The following ZNF286A variants were observed in gnomAD, a reference collection of about 807,000 sequenced individuals.
ZNF286A encodes zinc finger protein 286A, also known as zinc finger protein ZNF286.
A neutral mutation model predicts 49.3 loss-of-function variants in ZNF286A; 34 were observed. The observed-to-expected ratio is 0.69, with a 90% CI of 0.52 to 0.92. The LOEUF (loss-of-function observed/expected upper bound fraction) is 0.92. Ranked by LOEUF, ZNF286A falls within the 40% of genes least tolerant of loss-of-function variation. The pLI is 0.00. For missense variants in ZNF286A, 462 were observed against 600.2 expected (o/e 0.77, Z 2.41); for synonymous variants, 155 against 200.4 (o/e 0.77, Z 1.91).
rs1439180626 is a variant in ZNF286A at position 15,716,526 on chromosome 17, G to T, written c.802G>T (p.Glu268Ter). Residue 268 changes from glutamate to a stop codon, truncating the protein, a stop_gained, in exon 6 of 6, where the codon GAG becomes TAG. Coordinates refer to ENST00000583566, the MANE Select transcript of ZNF286A (RefSeq NM_001130842.2). LOFTEE classifies it high-confidence loss of function. The stretch of plus-strand genomic sequence containing the variant: ...TCGACACCAGAGAGTCCATACTGGA[G>T]AGAAACCCTATACCTGCAATGAATG... ...LIRHQRVHTGEKPYTCNECGK... is the reference protein window; with the variant it reads ...LIRHQRVHTG 1.9e-6 allele frequency: 3 copies of T among 1,613,974 alleles called. No homozygotes were observed. The highest frequency in any genetic ancestry group is 1.7e-5 in the Admixed American group (1 of 60,012).
At position 15,717,139 on chromosome 17, in the gene ZNF286A, G is replaced by C; in HGVS notation, c.1415G>C (p.Gly472Ala). ...GKKPYKCSEC[G>A]KAFIHSSALI... ...AAACCGTACAAATGTAGCGAGTGTG[G>C]AAAAGCCTTCATTCATTCATCAGCT... The change falls in exon 6 of 6, where the codon GGA becomes GCA. Residue 472 changes from glycine (G) to alanine (A), a missense_variant. Gly to Ala is a moderately conservative substitution (Grantham distance 60, BLOSUM62 0). Coordinates refer to ENST00000583566, the MANE Select transcript of ZNF286A (RefSeq NM_001130842.2). 6.2e-7 allele frequency: 1 copy of C among 1,613,440 alleles called. No individual in the cohort carries two copies. The highest frequency in any genetic ancestry group is 8.5e-7 in the Non-Finnish European group (1 of 1,179,830).
chr17:15,705,146 T>G (rs1192195922), intron 3 of ZNF286A, among the ~76,000 whole-genome samples: 1 of 152,190 alleles, frequency 6.6e-6, no homozygotes, highest in East Asian at 1.9e-4. Context: ...TAGCTTTACT[T>G]TGAGATAATT....
chr17:15,702,921 A>G (rs1306315133), intron 3 of ZNF286A, among the ~76,000 whole-genome samples: 3 of 152,220 alleles, frequency 2.0e-5, no homozygotes, highest in Non-Finnish European at 4.4e-5. Context: ...TTTATGGCCA[A>G]ACAAGTTTTT....
Position 15,716,854 on chromosome 17 carries a change from C to T in ZNF286A, c.1130C>T (p.Thr377Ile). Residue 377 changes from threonine to isoleucine, a missense_variant, in exon 6 of 6, where the codon ACT (threonine) becomes ATT (isoleucine). By Grantham distance (89) the Thr-to-Ile change is moderately conservative. Coordinates refer to ENST00000583566, the MANE Select transcript of ZNF286A (RefSeq NM_001130842.2). ...CTCATTAAACATCAAAGAACTCATACTGGAGAGAAACCTTATAAATGTCAA... is the reference window on the plus strand; with the variant it reads ...CTCATTAAACATCAAAGAACTCATATTGGAGAGAAACCTTATAAATGTCAA... ...SALIKHQRTH[T>I]GEKPYKCQEC... 6.2e-7 allele frequency: 1 copy of T among 1,607,782 alleles called. No homozygotes were observed. Among genetic ancestry groups the T allele is most frequent in the Non-Finnish European group, 8.5e-7 (1 of 1,177,618 alleles).
intron 2 of ZNF286A, among the ~76,000 whole-genome samples, 158 bp from the exon 3 acceptor site, chr17:15,700,994 C>T (rs575099704): frequency 1.4e-5 from 2 of 146,234 alleles, no homozygotes; most frequent in Admixed American, 1.4e-4. Context: ...CCGCATATCC[C>T]GGGAAGAGGG....
intron 3 of ZNF286A, among the ~76,000 whole-genome samples, chr17:15,702,115 T>A (rs1989819941): frequency 6.7e-6 from 1 of 150,294 alleles, no homozygotes. Context: ...AGGGAAACTC[T>A]GTCTCAAAAA....
chr17:15,702,643 C>A (rs1989874676), intron 3 of ZNF286A, among the ~76,000 whole-genome samples: 1 of 152,206 alleles, frequency 6.6e-6, no homozygotes, highest in Non-Finnish European at 1.5e-5. Flanking sequence ...AAAGTAGATA[C>A]TGCACGTTCA....
intron 3 of ZNF286A, 63 bp downstream of exon 3, chr17:15,701,303 T>A: frequency 6.8e-7 from 1 of 1,478,692 alleles, no homozygotes. Flanking sequence ...CACTCCCTTC[T>A]TTGTGATGTG....
At position 15,716,462 on chromosome 17, in the gene ZNF286A, T is replaced by G. The variant is rs779798546; in HGVS notation, c.738T>G (p.Asn246Lys). ...AAGAGAAAAAACCTCATAAATGTAA[T>G]GATTGTGGTGAACTCTTCACCTACC... ...TYKEKKPHKC[N>K]DCGELFTYHS... is the part of the protein sequence containing the mutation. Residue 246 changes from asparagine (N) to lysine (K), a missense_variant, in exon 6 of 6, where the codon AAT (asparagine) becomes AAG (lysine). Around this residue, in one of 3 missense-constraint regions of ZNF286A, gnomAD observed 259 missense variants for 272.2 expected, o/e 0.95. Transcript: ENST00000583566. 1 of 1,613,600 alleles carries G rather than the reference T, an allele frequency of 6.2e-7. No individual in the cohort carries two copies. Among genetic ancestry groups the G allele is most frequent in the African/African-American group, 1.3e-5 (1 of 74,838 alleles).
chr17:15,712,227 T>C (rs1181068913), intron 5 of ZNF286A, among the ~76,000 whole-genome samples: 2 of 152,204 alleles, frequency 1.3e-5, no homozygotes, highest in African/African-American at 4.8e-5. Context: ...GTATAAAAAG[T>C]GTGGCCCAGA....
At chr17:15,701,663 C>A (rs1989783908) in intron 3 of ZNF286A, among the ~76,000 whole-genome samples, 1 of 152,156 alleles carries the variant, frequency 6.6e-6, no homozygotes, top group South Asian at 2.1e-4. Flanking sequence ...TAAATACTCA[C>A]ATAGTTCAAA....
rs1403710453 is a variant in ZNF286A at position 15,701,136 on chromosome 17, G to A, written c.38-16G>A. ...GTTAAGCCTAGGTCTCATCATTACT[G>A]CTTTCTTGTCGTTAGCTCTGTCTTC... On this transcript the variant is annotated splice_polypyrimidine_tract_variant and intron_variant, in intron 2 of 5. Transcript: ENST00000583566. 1.9e-6 allele frequency: 3 copies of A among 1,613,654 alleles called. No homozygotes were observed. The highest frequency in any genetic ancestry group is 1.3e-5 in the African/African-American group (1 of 74,918).
intron 3 of ZNF286A, among the ~76,000 whole-genome samples, chr17:15,702,833 G>T (rs1156397541): frequency 6.6e-6 from 1 of 152,170 alleles, no homozygotes; most frequent in Non-Finnish European, 1.5e-5. Context: ...GAAAAATCTA[G>T]GTCTGGCTAC....
chr17:15,710,450 A>G (rs941873345), intron 5 of ZNF286A, among the ~76,000 whole-genome samples: 7 of 152,216 alleles, frequency 4.6e-5, no homozygotes, highest in African/African-American at 1.7e-4. Context: ...CTGAAAGCCA[A>G]TAAGTCCAGC....
intron 4 of ZNF286A, among the ~76,000 whole-genome samples, chr17:15,706,859 C>T (rs1253692821): frequency 1.3e-5 from 2 of 152,024 alleles, no homozygotes; most frequent in Non-Finnish European, 2.9e-5. Flanking sequence ...TAGGATTTCC[C>T]CATGTGGCAA....
chr17:15,712,889 CATT>C (rs2151476657), intron 5 of ZNF286A, among the ~76,000 whole-genome samples: 1 of 152,212 alleles, frequency 6.6e-6, no homozygotes, highest in African/African-American at 2.4e-5. Context: ...GGCTTTTACT[CATT>C]ATCCCAACCT....
chr17:15,714,548 A>T (rs1471457945), intron 5 of ZNF286A, among the ~76,000 whole-genome samples: 2 of 152,174 alleles, frequency 1.3e-5, no homozygotes, highest in Admixed American at 1.3e-4. Context: ...TCATTAAGGT[A>T]GCTATTGCTA....
At chr17:15,704,900 T>A (rs2151457281) in intron 3 of ZNF286A, 2 of 1,605,334 alleles carry the variant, frequency 1.2e-6, no homozygotes, top group South Asian at 2.2e-5. Flanking sequence ...TTGGAGTTCA[T>A]GGCTGCGGCC....
Position 15,716,056 on chromosome 17 carries a change from C to T in ZNF286A, c.335-3C>T. The T allele has an allele frequency of 1.2e-6, 2 of 1,613,860 alleles. No homozygotes were observed. The highest frequency in any genetic ancestry group is 4.5e-5 in the East Asian group (2 of 44,872). On this transcript the variant is annotated splice_polypyrimidine_tract_variant and splice_region_variant and intron_variant, in intron 5 of 5. Transcript: ENST00000583566. ...GGAAATTTGCATTTCCAATGTCTTTCAGACATGGAGACTAGACCACAGAGC... is the reference window on the plus strand; with the variant it reads ...GGAAATTTGCATTTCCAATGTCTTTTAGACATGGAGACTAGACCACAGAGC...
Sources: allele counts gnomAD v4.1 joint callset (sites outside exome capture counted in the v4.1 genomes callset), GRCh38; gene constraint gnomAD v4.1.1; regional missense constraint gnomAD v4.1.1; transcripts MANE v1.5; gene names NCBI Gene and HGNC (gene_info 2026-07-23, HGNC 2026-07-21).